Variants in ADAM10 observed in about 807,000 individuals in gnomAD.
The protein encoded by ADAM10 is ADAM metallopeptidase domain 10.
ADAM10 carries 17 observed loss-of-function variants against 90.1 expected under a neutral mutation model. The ratio of observed to expected loss-of-function variants is 0.19; its 90% CI spans 0.13 to 0.28. ADAM10 has a LOEUF of 0.28. Ranked by LOEUF, ADAM10 falls within the 10% of genes least tolerant of loss-of-function variation. The probability of loss-of-function intolerance (pLI) is 1.00; values close to 1 mark genes in which losing one functional copy is unlikely to be tolerated. For synonymous variants in ADAM10, 310 were observed against 298.6 expected (o/e 1.04, Z -0.40); for missense variants, 610 against 914.3 (o/e 0.67, Z 4.29).
At chr15:58,731,284 C>T (rs1899227500) in intron 1 of ADAM10, among the ~76,000 whole-genome samples, 2 of 152,098 alleles carry the variant, frequency 1.3e-5, no homozygotes, top group African/African-American at 4.8e-5. Context: ...GAAGTGCTGG[C>T]ATTATATTAA....
At chr15:58,686,563 T>A in intron 2 of ADAM10, 2 of 1,318,180 alleles carry the variant, frequency 1.5e-6, no homozygotes, top group Admixed American at 3.5e-5. Context: ...TGCTGGTGGG[T>A]GTTCTAGCTG....
intron 4 of ADAM10, among the ~76,000 whole-genome samples, chr15:58,667,443 T>C (rs1016475694): frequency 2.5e-4 from 38 of 152,252 alleles, no homozygotes; most frequent in African/African-American, 8.7e-4. Flanking sequence ...CTCAGCCTTA[T>C]GTGACTAGCA....
chr15:58,629,762 C>T (rs550659122), intron 9 of ADAM10, among the ~76,000 whole-genome samples: 127 of 151,028 alleles, frequency 8.4e-4, no homozygotes, highest in African/African-American at 2.9e-3. Flanking sequence ...TTGGACTATA[C>T]CATGTGTACA....
Position 58,720,469 on chromosome 15 carries a change from C to T in ADAM10, c.56-2742G>A, listed in dbSNP as rs1299152027. On this transcript the variant is annotated intron_variant, in intron 1 of 15. Coordinates refer to ENST00000260408, the MANE Select transcript of ADAM10 (RefSeq NM_001110.4). ...AGACTGCAGTTCAATGGCACAATCT[C>T]GGCTCACCGCAAGCTCCACTTCCTG... Among the ~76,000 whole-genome samples, 6 of 151,478 alleles carry T rather than the reference C, an allele frequency of 4.0e-5. No individual in the cohort carries two copies. The East Asian group carries it at 5.8e-4, about 15-fold the overall frequency.
chr15:58,747,917 C>T (rs1296208370), intron 1 of ADAM10: 1 of 151,942 alleles, frequency 6.6e-6, no homozygotes, highest in Non-Finnish European at 1.5e-5. Context: ...TTTTTATTAC[C>T]TTATAGAGAA....
chr15:58,678,978 T>C, intron 4 of ADAM10, 146 bp downstream of exon 4: 1 of 783,518 alleles, frequency 1.3e-6, no homozygotes, highest in Non-Finnish European at 2.0e-6. Flanking sequence ...CTACTATTCC[T>C]TAAATAGCAA....
chr15:58,616,791 T>TA (rs1332493916), intron 11 of ADAM10, among the ~76,000 whole-genome samples: 28 of 151,534 alleles, frequency 1.8e-4, no homozygotes, highest in Admixed American at 1.8e-3. Flanking sequence ...AGAGCAGAAA[T>TA]AAACAAAATT....
Position 58,643,953 on chromosome 15 carries a change from T to C in ADAM10, c.761A>G (p.Asp254Gly). The C allele has an allele frequency of 1.2e-6, 2 of 1,612,488 alleles. No homozygotes were observed. The highest frequency in any genetic ancestry group is 2.2e-5 in the East Asian group (1 of 44,842). Residue 254 changes from aspartate (D) to glycine (G), a missense_variant, in exon 7 of 16, where the codon GAT becomes GGT. Physicochemically the swap from Asp to Gly is moderately conservative, Grantham distance 94. Coordinates refer to ENST00000260408, the MANE Select transcript of ADAM10 (RefSeq NM_001110.4). ...AQISSHVKAIDTIYQTTDFSG... is the reference protein window; with the variant it reads ...AQISSHVKAIGTIYQTTDFSG... ...GAAGTCTGTGGTCTGGTAAATTGTA[T>C]CAATCGCTTTAACATGACTGGATAT...
rs758872781 is a variant in ADAM10, at chr15:58,627,786, T to C, written c.1274A>G (p.Asp425Gly). Residue 425 changes from aspartate to glycine, a missense_variant, in exon 10 of 16, where the codon GAC becomes GGC. Transcript: ENST00000260408. ...YIMYARATSG[D>G]KLNNNKFSLC... ...TGAGAATTTATTGTTGTTAAGTTTG[T>C]CCCCAGATGTTGCTCTTGCATACAT... 1 of 1,613,680 alleles carries C rather than the reference T, an allele frequency of 6.2e-7. No homozygotes were observed. The highest frequency in any genetic ancestry group is 1.1e-5 in the South Asian group (1 of 91,076).
At chr15:58,717,323 CA>C (rs1422569679) in intron 2 of ADAM10, among the ~76,000 whole-genome samples, 2 of 152,228 alleles carry the variant, frequency 1.3e-5, no homozygotes, top group South Asian at 4.1e-4. Flanking sequence ...TCTTTAAAGA[CA>C]TATCTTTTAC....
At chr15:58,673,580 T>G (rs1200479839) in intron 4 of ADAM10, among the ~76,000 whole-genome samples, 2 of 138,012 alleles carry the variant, frequency 1.4e-5, no homozygotes, top group African/African-American at 7.0e-5. Context: ...TATATATAAC[T>G]AATCAGAAAA....
chr15:58,597,880 T>C (rs559956636), intron 15 of ADAM10, among the ~76,000 whole-genome samples: 170 of 152,240 alleles, frequency 1.1e-3, no homozygotes, highest in African/African-American at 3.7e-3. Context: ...ATCATTTCAA[T>C]ATATAATCAA....
chr15:58,687,264 C>G (rs773016056), intron 2 of ADAM10, among the ~76,000 whole-genome samples: 1 of 152,138 alleles, frequency 6.6e-6, no homozygotes, highest in East Asian at 1.9e-4. Context: ...CATTAGGCTG[C>G]CCCATCGTGT....
rs1234254129 is a variant in ADAM10, at chr15:58,643,945, AAATTGTATCAATCGCTTT to A, written c.751_768del (p.Lys251_Ile256del). 1.2e-6 allele frequency: 2 copies of A among 1,613,010 alleles called. No individual in the cohort carries two copies. The highest frequency in any genetic ancestry group is 1.7e-6 in the Non-Finnish European group (2 of 1,179,138). ...ATTCCGGAGAAGTCTGTGGTCTGGT[AAATTGTATCAATCGCTTT>A]AACATGACTGGATATCTATGATTTA... is the stretch of plus-strand genomic sequence containing the variant. On this transcript the variant is annotated inframe_deletion, in exon 7 of 16. Coordinates refer to ENST00000260408, the MANE Select transcript of ADAM10 (RefSeq NM_001110.4).
rs138960568 is a variant in ADAM10, at chr15:58,601,260, G to A, written c.2026-1536C>T. Among the ~76,000 whole-genome samples the A allele has an allele frequency of 6.0e-3, 915 of 152,136 alleles. 10 individuals are homozygous for A. Among genetic ancestry groups the A allele is most frequent in the African/African-American group, 0.021 (884 of 41,504 alleles). On this transcript the variant is annotated intron_variant, in intron 14 of 15. Coordinates refer to ENST00000260408, the MANE Select transcript of ADAM10 (RefSeq NM_001110.4). ...GTGGATCACCTGAGGTCAGGAGTTC[G>A]AGACTAGCCAGGCCCACATGGTGAA...
chr15:58,642,089 T>C (rs1766219719), intron 7 of ADAM10, among the ~76,000 whole-genome samples: 1 of 152,224 alleles, frequency 6.6e-6, no homozygotes, highest in Non-Finnish European at 1.5e-5. Flanking sequence ...AGTCCATGCT[T>C]GAAGACATGC....
intron 12 of ADAM10, 163 bp from the exon 13 acceptor site, chr15:58,611,270 CATTTGAAAAA>C (rs1895430598): frequency 1.6e-6 from 1 of 617,730 alleles, no homozygotes; most frequent in Admixed American, 3.0e-5. Flanking sequence ...TACATAAATA[CATTTGAAAAA>C]ATTTGAAAAA....
At chr15:58,660,601 A>G (rs1896942110) in intron 5 of ADAM10, among the ~76,000 whole-genome samples, 2 of 152,202 alleles carry the variant, frequency 1.3e-5, no homozygotes, top group African/African-American at 4.8e-5. Flanking sequence ...GCAGTCATCA[A>G]TATGGTTAGA....
At chr15:58,714,422 A>G (rs1190773158) in intron 2 of ADAM10, among the ~76,000 whole-genome samples, 1 of 152,156 alleles carries the variant, frequency 6.6e-6, no homozygotes, top group African/African-American at 2.4e-5. Context: ...TTAACTGCAC[A>G]GTATTTAATA....
Sources: gnomAD v4.1 joint callset for allele counts (sites outside exome capture counted in the v4.1 genomes callset) on GRCh38, gnomAD v4.1.1 for gene constraint, MANE v1.5 for transcripts, NCBI Gene and HGNC (gene_info 2026-07-23, HGNC 2026-07-21) for gene names.